Variants in ATF7 observed in about 807,000 individuals in gnomAD.
ATF7 encodes cyclic AMP-dependent transcription factor ATF-7.
A neutral mutation model predicts 50.4 loss-of-function variants in ATF7; 10 were observed. The observed-to-expected ratio is 0.20, with a 90% CI of 0.12 to 0.34. ATF7 has a LOEUF of 0.34. ATF7 is among the 10% of genes least tolerant of loss of function. ATF7 has a pLI of 1.00. For missense variants in ATF7, 465 were observed against 613.9 expected, an observed-to-expected ratio of 0.76 and a Z score of 2.56; for synonymous variants, 201 against 226.4, an observed-to-expected ratio of 0.89 and a Z score of 1.01.
At chr12:53,554,053 T>C (rs1317828000) in intron 2 of ATF7, among the ~76,000 whole-genome samples, 1 of 152,128 alleles carries the variant, frequency 6.6e-6, no homozygotes, top group Admixed American at 6.6e-5. Flanking sequence ...GGTGGACAGA[T>C]TGCTTGAGGC....
chr12:53,612,779 A>C (rs1224736377), intron 1 of ATF7, among the ~76,000 whole-genome samples: 1 of 152,186 alleles, frequency 6.6e-6, no homozygotes, highest in Non-Finnish European at 1.5e-5. Flanking sequence ...TGAGGTGGGC[A>C]GATCACCTGC....
chr12:53,619,009 A>T (rs1944264766), intron 1 of ATF7, among the ~76,000 whole-genome samples: 1 of 150,320 alleles, frequency 6.7e-6, no homozygotes, highest in Non-Finnish European at 1.5e-5. Flanking sequence ...CCAAGACTGC[A>T]CCACTGCACT....
At chr12:53,538,014 G>A (rs747749650) in intron 4 of ATF7, among the ~76,000 whole-genome samples, 3 of 151,496 alleles carry the variant, frequency 2.0e-5, no homozygotes, top group Non-Finnish European at 3.0e-5. Context: ...ATCCGGCCAA[G>A]AAATATGGGC....
intron 3 of ATF7, among the ~76,000 whole-genome samples, chr12:53,550,920 G>T (rs973915926): frequency 2.0e-5 from 3 of 152,178 alleles, no homozygotes; most frequent in African/African-American, 4.8e-5. Context: ...ACTTGGTATA[G>T]ACCCTTCTAC....
intron 2 of ATF7, among the ~76,000 whole-genome samples, chr12:53,587,843 A>ATTTATTTT (rs1942781441): frequency 1.6e-5 from 1 of 61,568 alleles, no homozygotes; most frequent in African/African-American, 5.1e-5. Context: ...ATATATATAT[A>ATTTATTTT]TTTTTTTTTT....
chr12:53,537,446 G>A lies in ATF7; in HGVS notation c.371C>T (p.Ser124Phe). ...VDSSPPDSPASSPCSPPLKEK... is the reference protein window; with the variant it reads ...VDSSPPDSPAFSPCSPPLKEK... Reference sequence around the variant, plus strand: ...CTTCAGTGGTGGGGAACAGGGACTAGAGGCAGGGCTATCAGGTGGGGATGA... The same window carrying A: ...CTTCAGTGGTGGGGAACAGGGACTAAAGGCAGGGCTATCAGGTGGGGATGA... Residue 124 changes from serine to phenylalanine, a missense_variant, in exon 5 of 12, where the codon TCT becomes TTT. Ser to Phe is a radical substitution (Grantham distance 155). Coordinates refer to ENST00000420353, the MANE Select transcript of ATF7 (RefSeq NM_006856.3). 1 of 1,613,862 alleles carries A rather than the reference G, an allele frequency of 6.2e-7. No individual in the cohort carries two copies. Among genetic ancestry groups the A allele is most frequent in the Non-Finnish European group, 8.5e-7 (1 of 1,179,862 alleles).
chr12:53,556,355 G>GA (rs1388396427), intron 2 of ATF7, among the ~76,000 whole-genome samples: 3 of 152,224 alleles, frequency 2.0e-5, no homozygotes, highest in Non-Finnish European at 4.4e-5. Context: ...TTGGGATGCC[G>GA]AGGCAGGTGG....
At chr12:53,543,309 G>T in intron 4 of ATF7, 21 bp downstream of exon 4, 1 of 1,562,780 alleles carries the variant, frequency 6.4e-7, no homozygotes, top group African/African-American at 1.4e-5. Flanking sequence ...CCAGTTTTTT[G>T]GCAACAGTCC....
chr12:53,556,924 T>C (rs1383137125), intron 2 of ATF7, among the ~76,000 whole-genome samples: 1 of 152,196 alleles, frequency 6.6e-6, no homozygotes, highest in East Asian at 1.9e-4. Flanking sequence ...AAAATTATTA[T>C]CATAGTATTT....
At chr12:53,617,608 G>GAC (rs1565605357) in intron 1 of ATF7, among the ~76,000 whole-genome samples, 1 of 152,082 alleles carries the variant, frequency 6.6e-6, no homozygotes, top group Admixed American at 6.6e-5. Context: ...CAGCCTGGGT[G>GAC]ACAGAGCAAG....
intron 1 of ATF7, among the ~76,000 whole-genome samples, chr12:53,614,129 A>G (rs532946376): frequency 1.9e-4 from 29 of 152,190 alleles, no homozygotes; most frequent in Non-Finnish European, 3.7e-4. Context: ...AGCTTCATAC[A>G]GGCAACTACT....
At chr12:53,565,483 TGGGCGG>T (rs1941397096) in intron 2 of ATF7, among the ~76,000 whole-genome samples, 2 of 2,060 alleles carry the variant, frequency 9.7e-4, no homozygotes. Context: ...TCTCTTTTTC[TGGGCGG>T]GGGCGGGGGG....
At chr12:53,535,528 G>A (rs1485931547) in intron 5 of ATF7, among the ~76,000 whole-genome samples, 2 of 151,980 alleles carry the variant, frequency 1.3e-5, no homozygotes, top group African/African-American at 4.8e-5. Context: ...GGGCTTCTGA[G>A]GTTCTAAGAA....
chr12:53,579,772 T>C (rs929030588), intron 2 of ATF7, among the ~76,000 whole-genome samples: 10 of 152,194 alleles, frequency 6.6e-5, no homozygotes, highest in Non-Finnish European at 1.3e-4. Flanking sequence ...GCACTTCTCT[T>C]GCTTGTGAAG....
Position 53,524,229 on chromosome 12 carries a change from A to T in ATF7, c.1125+335T>A, listed in dbSNP as rs1465342227. Among the ~76,000 whole-genome samples, 1 of 152,178 alleles carries T rather than the reference A, an allele frequency of 6.6e-6. No individual in the cohort carries two copies. The highest frequency in any genetic ancestry group is 1.5e-5 in the Non-Finnish European group (1 of 68,030). On this transcript the variant is annotated intron_variant, in intron 10 of 11. Coordinates refer to ENST00000420353, the MANE Select transcript of ATF7 (RefSeq NM_006856.3). This position sits in a 1 kb window ranked among gnomAD's most constrained non-coding sequence, Gnocchi z 4.6. The stretch of plus-strand genomic sequence containing the variant: ...TTTCTCTCTTTTATTAAGCTGCATT[A>T]TCTAGGGCAAACACATTTCCCTTTT...
intron 2 of ATF7, among the ~76,000 whole-genome samples, chr12:53,580,718 A>C (rs374546665): frequency 6.6e-5 from 10 of 151,908 alleles, no homozygotes; most frequent in African/African-American, 2.2e-4. Context: ...AATCCAAAAA[A>C]GGTGAGAATA....
intron 1 of ATF7, among the ~76,000 whole-genome samples, chr12:53,620,925 C>T (rs1026047871): frequency 1.3e-5 from 2 of 151,790 alleles, no homozygotes; most frequent in Non-Finnish European, 2.9e-5. Context: ...AAATGTGGGG[C>T]AAGGGAGGTC....
intron 5 of ATF7, among the ~76,000 whole-genome samples, chr12:53,535,649 AATGT>A (rs1939176699): frequency 1.3e-5 from 2 of 152,320 alleles, no homozygotes; most frequent in African/African-American, 4.8e-5. Flanking sequence ...TATTTCAATA[AATGT>A]ATTAAAAATA....
At chr12:53,550,244 A>T (rs1394260099) in intron 3 of ATF7, among the ~76,000 whole-genome samples, 4 of 151,058 alleles carry the variant, frequency 2.6e-5, no homozygotes, top group African/African-American at 9.7e-5. Flanking sequence ...GAATCGCTTG[A>T]GCCTGGGAGG....
Sources: gnomAD v4.1 joint callset for allele counts (sites outside exome capture counted in the v4.1 genomes callset) on GRCh38, gnomAD v4.1.1 for gene constraint, Gnocchi (gnomAD v3.1) non-coding constraint, MANE v1.5 for transcripts, NCBI Gene and HGNC (gene_info 2026-07-23, HGNC 2026-07-21) for gene names.